RWDD1: variants seen among roughly 807,000 people sequenced by gnomAD.
The protein encoded by RWDD1 is RWD domain containing 1, also known as RWD domain-containing protein 1.
Under a neutral mutation model 31.6 loss-of-function variants are expected in RWDD1, and 17 were observed. That is an observed-to-expected ratio of 0.54 (90% CI 0.37 to 0.81). The LOEUF is 0.81. Ranked by LOEUF, RWDD1 falls within the 30% of genes least tolerant of loss-of-function variation. The pLI is 0.00. For synonymous variants in RWDD1, 78 were observed against 94.2 expected, an observed-to-expected ratio of 0.83 and a Z score of 0.99; for missense variants, 204 against 274.5, an observed-to-expected ratio of 0.74 and a Z score of 1.82.
rs989488774 is a variant in RWDD1, at chr6:116,594,825, G to A, written c.*1724G>A. The A allele has an allele frequency of 6.6e-5, 10 of 152,204 alleles. No homozygotes were observed. Among genetic ancestry groups the A allele is most frequent in the Non-Finnish European group, 1.3e-4 (9 of 68,042 alleles). 9.4% of individuals were successfully genotyped at this position (152,204 alleles called of 1,614,324 possible). The stretch of plus-strand genomic sequence containing the variant: ...AAGCTATTATAAAGAGCTGCCTCCA[G>A]TAAAAAATACATATGCCACATACCC... On this transcript the variant is annotated 3_prime_UTR_variant, in exon 7 of 7. Coordinates refer to ENST00000466444, the MANE Select transcript of RWDD1 (RefSeq NM_015952.4).
Position 116,571,735 on chromosome 6 carries a change from T to G in RWDD1, c.73+80T>G, listed in dbSNP as rs1460044981. Reference sequence around the variant, plus strand: ...GGAGCTGCCGCAGCTCTGGGCCTCATAGGTTGGGGTGGAGAAGGGGACCTT... The same window carrying G: ...GGAGCTGCCGCAGCTCTGGGCCTCAGAGGTTGGGGTGGAGAAGGGGACCTT... On this transcript the variant is annotated intron_variant, in intron 1 of 6. Transcript: ENST00000466444. 20 of 1,322,332 alleles carry G rather than the reference T, an allele frequency of 1.5e-5. No homozygotes were observed. The East Asian group carries it at 5.2e-4, about 34-fold the overall frequency. The allele number at this position is 1,322,332 out of a possible 1,614,324, so 81.9% of individuals were successfully genotyped here.
intron 1 of RWDD1, 48 bp from the exon 2 acceptor site, chr6:116,580,247 T>C: frequency 7.1e-7 from 1 of 1,398,678 alleles, no homozygotes; most frequent in Non-Finnish European, 9.9e-7. Context: ...AGGAAAAGCA[T>C]CTGCCTTAGA....
chr6:116,585,034 A>G (rs1372157762), intron 3 of RWDD1, among the ~76,000 whole-genome samples, 177 bp downstream of exon 3: 1 of 152,118 alleles, frequency 6.6e-6, no homozygotes, highest in Non-Finnish European at 1.5e-5. Context: ...TTAAAATTTG[A>G]GTAATAGAAT....
intron 1 of RWDD1, 149 bp downstream of exon 1, chr6:116,571,804 G>A (rs568160271): frequency 8.1e-5 from 47 of 576,824 alleles, no homozygotes; most frequent in African/African-American, 3.3e-4. Flanking sequence ...AAGTTCTTCA[G>A]TCACTTACCA....
In RWDD1 at chr6:116,579,292, A is replaced by G. The variant is rs567974541; in HGVS notation, c.74-1003A>G. On this transcript the variant is annotated intron_variant, in intron 1 of 6. Coordinates refer to ENST00000466444, the MANE Select transcript of RWDD1 (RefSeq NM_015952.4). ...AATCCATTGCTCTTTCATTCTGAAA[A>G]AGTCTGCAGAGCTGCTGCCAACCTT... is the stretch of plus-strand genomic sequence containing the variant. Among the ~76,000 whole-genome samples the G allele has an allele frequency of 2.6e-5, 4 of 152,346 alleles. No individual in the cohort carries two copies. In the South Asian group the frequency reaches 8.3e-4, roughly 32 times the overall value.
At chr6:116,579,123 G>A (rs552377570) in intron 1 of RWDD1, among the ~76,000 whole-genome samples, 1 of 152,300 alleles carries the variant, frequency 6.6e-6, no homozygotes, top group East Asian at 1.9e-4. Flanking sequence ...TGATCCGCCC[G>A]CCTTGGCCTC....
chr6:116,593,196 A>C lies in RWDD1; in HGVS notation c.*95A>C, dbSNP rs577194363. The C allele has an allele frequency of 3.4e-5, 42 of 1,240,298 alleles. No homozygotes were observed. Among genetic ancestry groups the C allele is most frequent in the Non-Finnish European group, 4.5e-5 (42 of 923,580 alleles). The allele number at this position is 1,240,298 out of a possible 1,614,324, so 76.8% of individuals were successfully genotyped here. A position where few individuals can be genotyped will look rare whatever the true frequency, so the allele number is the denominator to read the frequency against. ...TTTCCTTTCTTTTTTTCTAAGAAAA[A>C]ATTATTTTCAGGAGAATATTCTTCT... On this transcript the variant is annotated 3_prime_UTR_variant, in exon 7 of 7. Coordinates refer to ENST00000466444, the MANE Select transcript of RWDD1 (RefSeq NM_015952.4).
At chr6:116,585,817 CAG>C (rs1217941970) in intron 3 of RWDD1, among the ~76,000 whole-genome samples, 2 of 151,888 alleles carry the variant, frequency 1.3e-5, no homozygotes, top group Non-Finnish European at 2.9e-5. Flanking sequence ...TTTTTTGAGA[CAG>C]AGTCTTGCTC....
chr6:116,587,965 A>G (rs1324914838), intron 3 of RWDD1, among the ~76,000 whole-genome samples: 2 of 152,038 alleles, frequency 1.3e-5, no homozygotes, highest in Non-Finnish European at 2.9e-5. Context: ...ATAGGTTTTG[A>G]GGAGAAGATG....
intron 2 of RWDD1, among the ~76,000 whole-genome samples, chr6:116,581,849 C>T (rs1774952533): frequency 6.6e-6 from 1 of 151,886 alleles, no homozygotes; most frequent in Non-Finnish European, 1.5e-5. Flanking sequence ...GGTATCTATT[C>T]TAAGCACAGT....
Position 116,596,637 on chromosome 6 carries a change from T to C in RWDD1, c.*3536T>C, listed in dbSNP as rs1775243010. On this transcript the variant is annotated 3_prime_UTR_variant, in exon 7 of 7. Coordinates refer to ENST00000466444, the MANE Select transcript of RWDD1 (RefSeq NM_015952.4). Reference sequence around the variant, plus strand: ...TTTTTAGTTCAACTTTTGACAACCTTATATTCATTGACACCATGGACAGCA... The same window carrying C: ...TTTTTAGTTCAACTTTTGACAACCTCATATTCATTGACACCATGGACAGCA... The C allele has an allele frequency of 6.6e-6, 1 of 152,206 alleles. No individual in the cohort carries two copies. Among genetic ancestry groups the C allele is most frequent in the South Asian group, 2.1e-4 (1 of 4,834 alleles). The allele number at this position is 152,206 out of a possible 1,614,324, so 9.4% of individuals were successfully genotyped here. A position where few individuals can be genotyped will look rare whatever the true frequency, so the allele number is the denominator to read the frequency against.
At chr6:116,578,806 G>A (rs913698829) in intron 1 of RWDD1, among the ~76,000 whole-genome samples, 2 of 152,110 alleles carry the variant, frequency 1.3e-5, no homozygotes, top group African/African-American at 4.8e-5. Context: ...AATCACAGGT[G>A]TTCATCATTT....
At chr6:116,572,494 G>A (rs2115320064) in intron 1 of RWDD1, 1 of 152,342 alleles carries the variant, frequency 6.6e-6, no homozygotes, top group Non-Finnish European at 1.5e-5. Context: ...TTGGGCTAAT[G>A]TAAAATATTA....
At chr6:116,571,735 T>A in intron 1 of RWDD1, 80 bp downstream of exon 1, 1 of 1,322,448 alleles carries the variant, frequency 7.6e-7, no homozygotes, top group South Asian at 1.3e-5. Flanking sequence ...CTGGGCCTCA[T>A]AGGTTGGGGT....
At chr6:116,590,691 C>T (rs1775126212) in intron 5 of RWDD1, among the ~76,000 whole-genome samples, 197 bp from the exon 6 acceptor site, 1 of 151,994 alleles carries the variant, frequency 6.6e-6, no homozygotes, top group Admixed American at 6.6e-5. Flanking sequence ...TTTTCTAGTA[C>T]CCCAAGGCAG....
intron 1 of RWDD1, among the ~76,000 whole-genome samples, chr6:116,575,433 T>G (rs951548507): frequency 6.6e-6 from 1 of 152,178 alleles, no homozygotes; most frequent in Admixed American, 6.5e-5. Context: ...CTGGCATCCT[T>G]AGTGAAGACT....
Position 116,588,856 on chromosome 6 carries a change from T to C in RWDD1, c.285T>C (p.Leu95=), listed in dbSNP as rs1379430369. 1 of 1,542,228 alleles carries C rather than the reference T, an allele frequency of 6.5e-7. No individual in the cohort carries two copies. Among genetic ancestry groups the C allele is most frequent in the African/African-American group, 1.4e-5 (1 of 70,136 alleles). ...KLLALQAEEN[L]GMVMIFTLVT... ...GTGTTACACAGGCTGAAGAAAATCT[T>C]GGTATGGTGATGATTTTTACTCTAG... The change falls in exon 4 of 7, where the codon CTT becomes CTC. Residue 95 remains leucine, a synonymous_variant. Transcript: ENST00000466444.
chr6:116,589,693 G>A (rs2115335580), intron 4 of RWDD1, among the ~76,000 whole-genome samples: 2 of 152,284 alleles, frequency 1.3e-5, no homozygotes, highest in Middle Eastern at 6.8e-3. Context: ...ATTGGACTTA[G>A]AGTTCCACAT....
chr6:116,590,871 T>A lies in RWDD1; in HGVS notation c.548-17T>A. The A allele has an allele frequency of 1.7e-5, 2 of 115,012 alleles. No individual in the cohort carries two copies. Among genetic ancestry groups the A allele is most frequent in the Non-Finnish European group, 1.7e-5 (1 of 58,018 alleles). The allele number at this position is 115,012 out of a possible 1,614,324, so 7.1% of individuals were successfully genotyped here. ...ACTATGCCATTTGAATTAAACATAC[T>A]TTTTTTTTTTTTTTAGGGAAACAAC... On this transcript the variant is annotated splice_polypyrimidine_tract_variant and intron_variant, in intron 5 of 6. Coordinates refer to ENST00000466444, the MANE Select transcript of RWDD1 (RefSeq NM_015952.4).
Sources: allele counts gnomAD v4.1 joint callset (sites outside exome capture counted in the v4.1 genomes callset), GRCh38; gene constraint gnomAD v4.1.1; transcripts MANE v1.5; gene names NCBI Gene and HGNC (gene_info 2026-07-23, HGNC 2026-07-21).